Variants in NAALADL2 observed in about 807,000 individuals in gnomAD.
NAALADL2 encodes N-acetylated alpha-linked acidic dipeptidase like 2.
NAALADL2 carries 76 observed loss-of-function variants against 87.2 expected under a neutral mutation model. That is an observed-to-expected ratio of 0.87 (90% CI 0.72 to 1.05). The LOEUF (loss-of-function observed/expected upper bound fraction) is 1.05. Among genes scored for constraint, NAALADL2 ranks in the 50% least tolerant of loss-of-function variants. The pLI is 0.00. For synonymous variants in NAALADL2, 354 were observed against 331.0 expected, an observed-to-expected ratio of 1.07 and a Z score of -0.75; for missense variants, 1,089 against 945.8, an observed-to-expected ratio of 1.15 and a Z score of -1.99.
intron 7 of NAALADL2, among the ~76,000 whole-genome samples, chr3:175,465,540 C>G (rs1272327052): frequency 7.2e-6 from 1 of 139,174 alleles, no homozygotes; most frequent in Non-Finnish European, 1.5e-5. Context: ...GTGACACGAT[C>G]TTCGCTCATT....
chr3:175,540,814 C>T (rs775358695), intron 9 of NAALADL2, among the ~76,000 whole-genome samples: 2 of 151,956 alleles, frequency 1.3e-5, no homozygotes, highest in Middle Eastern at 3.4e-3. Context: ...TAAATAGGGG[C>T]GACTACTGAA....
rs142457246 is a variant in NAALADL2, at chr3:175,647,087, T to A, written c.1896+19701T>A. On this transcript the variant is annotated intron_variant, in intron 11 of 13. Transcript: ENST00000454872. Reference sequence around the variant, plus strand: ...GGACAAGGATGCAGTGGTTCTTAAATGTTTCAGCCTATAAATGACACATCT... The same window carrying A: ...GGACAAGGATGCAGTGGTTCTTAAAAGTTTCAGCCTATAAATGACACATCT... Among the ~76,000 whole-genome samples, 3 of 152,198 alleles carry A rather than the reference T, an allele frequency of 2.0e-5. No individual in the cohort carries two copies. The South Asian group carries it at 6.2e-4, about 32-fold the overall frequency.
rs1228202577 is a variant in NAALADL2, at chr3:175,131,873, A to AC, written c.545+34589dup. On this transcript the variant is annotated intron_variant, in intron 2 of 13. Transcript: ENST00000454872. ...GGGGCGGCTGGCCGGGCGGGGTCTG[A>AC]CCCCCCCACCTCCCTCCCAGACGGG... Among the ~76,000 whole-genome samples the AC allele has an allele frequency of 1.8e-4, 5 of 28,202 alleles. 1 individual carries two copies. The highest frequency in any genetic ancestry group is 2.4e-4 in the Non-Finnish European group (4 of 16,808). The allele number at this position is 28,202 out of a possible 152,430, so 18.5% of individuals were successfully genotyped here. A position where few individuals can be genotyped will look rare whatever the true frequency, so the allele number is the denominator to read the frequency against.
At chr3:175,032,377 T>C (rs1359617116) in intron 1 of NAALADL2, among the ~76,000 whole-genome samples, 2 of 152,076 alleles carry the variant, frequency 1.3e-5, no homozygotes, top group African/African-American at 4.8e-5. Flanking sequence ...TAAGCTCTAT[T>C]AAGCCTTGAG....
chr3:174,724,281 G>A (rs969505088), intron 2 of NAALADL2, among the ~76,000 whole-genome samples: 8 of 152,078 alleles, frequency 5.3e-5, no homozygotes, highest in Non-Finnish European at 1.2e-4. Flanking sequence ...TTCTCAGTTT[G>A]GTTATAGATG....
chr3:175,720,867 G>A lies in NAALADL2; in HGVS notation c.1897-16439G>A, dbSNP rs1252081190. Among the ~76,000 whole-genome samples the A allele has an allele frequency of 4.6e-5, 7 of 152,136 alleles. No homozygotes were observed. The East Asian group carries it at 1.3e-3, about 29-fold the overall frequency. On this transcript the variant is annotated intron_variant, in intron 11 of 13. Coordinates refer to ENST00000454872, the MANE Select transcript of NAALADL2 (RefSeq NM_207015.3). Reference sequence around the variant, plus strand: ...AGAAATAAAGATATTTTAGAAAAAGGCTGAGACAAGTTTGCCACTTACAGG... The same window carrying A: ...AGAAATAAAGATATTTTAGAAAAAGACTGAGACAAGTTTGCCACTTACAGG...
At chr3:174,970,448 T>A (rs1007894359) in intron 1 of NAALADL2, among the ~76,000 whole-genome samples, 1 of 152,140 alleles carries the variant, frequency 6.6e-6, no homozygotes, top group Admixed American at 6.5e-5. Flanking sequence ...TGCTTTAGGT[T>A]GTTAATCTGG....
rs370850492 is a variant in NAALADL2, at chr3:174,569,762, A to C, written c.-115+19125A>C. On this transcript the variant is annotated intron_variant, in intron 2 of 3. Transcript: ENST00000434257. ...AGATGACACTTTTGGGTTAACACGCAAATGCTTTAAGTATTCAAGGATGTC... is the reference window on the plus strand; with the variant it reads ...AGATGACACTTTTGGGTTAACACGCCAATGCTTTAAGTATTCAAGGATGTC... Among the ~76,000 whole-genome samples the C allele has an allele frequency of 2.6e-4, 40 of 152,250 alleles. 1 individual carries two copies. In the East Asian group the frequency reaches 3.3e-3, roughly 13 times the overall value.
intron 6 of NAALADL2, among the ~76,000 whole-genome samples, chr3:175,449,386 A>ATTT (rs749735736): frequency 2.1e-5 from 2 of 96,578 alleles, no homozygotes; most frequent in Non-Finnish European, 4.1e-5. Context: ...CCTAACATTA[A>ATTT]TTTTCTTCTT....
chr3:174,852,353 TAAAC>T (rs1725346822), intron 3 of NAALADL2, among the ~76,000 whole-genome samples: 2 of 152,064 alleles, frequency 1.3e-5, no homozygotes, highest in Admixed American at 6.6e-5. Context: ...TTAGAACTGA[TAAAC>T]AAATTTAGTA....
chr3:174,824,002 A>G (rs1433098698), intron 3 of NAALADL2, among the ~76,000 whole-genome samples: 1 of 152,174 alleles, frequency 6.6e-6, no homozygotes, highest in Admixed American at 6.5e-5. Flanking sequence ...AGCCAAATGG[A>G]TTGGTTCTTT....
chr3:174,884,176 A>G (rs188743533), intron 1 of NAALADL2, among the ~76,000 whole-genome samples: 175 of 152,228 alleles, frequency 1.1e-3, no homozygotes, highest in African/African-American at 4.0e-3. Context: ...GGAAGCAGAA[A>G]TGTTAGTGGA....
At chr3:174,704,612 A>AT (rs1298083999) in intron 2 of NAALADL2, among the ~76,000 whole-genome samples, 2 of 152,148 alleles carry the variant, frequency 1.3e-5, no homozygotes, top group Non-Finnish European at 2.9e-5. Context: ...TGGAAGATAG[A>AT]TTAAAAAAAC....
chr3:175,704,501 A>G (rs567723610), intron 11 of NAALADL2, among the ~76,000 whole-genome samples: 1 of 152,292 alleles, frequency 6.6e-6, no homozygotes, highest in African/African-American at 2.4e-5. Context: ...CAATAAAAAT[A>G]TGAACCAGGA....
At chr3:175,452,820 C>G (rs1721775099) in intron 6 of NAALADL2, among the ~76,000 whole-genome samples, 1 of 152,116 alleles carries the variant, frequency 6.6e-6, no homozygotes, top group Non-Finnish European at 1.5e-5. Context: ...GACTGTTCAT[C>G]AGGGATCTTA....
intron 9 of NAALADL2, among the ~76,000 whole-genome samples, chr3:175,495,908 A>C (rs1266515058): frequency 6.6e-6 from 1 of 152,060 alleles, no homozygotes; most frequent in African/African-American, 2.4e-5. Flanking sequence ...TGTGCTAGTT[A>C]ATAGCTGCTC....
intron 1 of NAALADL2, among the ~76,000 whole-genome samples, chr3:174,961,906 GTC>G: frequency 6.6e-6 from 1 of 151,956 alleles, no homozygotes; most frequent in South Asian, 2.1e-4. Flanking sequence ...CTCTAATTTG[GTC>G]CCAGTAATCC....
chr3:175,090,819 A>G (rs1719956239), intron 1 of NAALADL2, among the ~76,000 whole-genome samples: 1 of 151,678 alleles, frequency 6.6e-6, no homozygotes, highest in Admixed American at 6.6e-5. Context: ...CCTTTAGTTT[A>G]TATATCCTAT....
chr3:174,989,785 T>G (rs945142410), intron 1 of NAALADL2, among the ~76,000 whole-genome samples: 7 of 152,178 alleles, frequency 4.6e-5, no homozygotes, highest in Non-Finnish European at 8.8e-5. Context: ...TTTTATAAGA[T>G]CTGGTCATTA....
Sources: gnomAD v4.1 joint callset for allele counts (sites outside exome capture counted in the v4.1 genomes callset) on GRCh38, gnomAD v4.1.1 for gene constraint, MANE v1.5 for transcripts, NCBI Gene and HGNC (gene_info 2026-07-23, HGNC 2026-07-21) for gene names.